The following GNG7 variants were observed in gnomAD, a reference collection of about 807,000 sequenced individuals.
GNG7 encodes the protein G protein subunit gamma 7.
A neutral mutation model predicts 4.0 loss-of-function variants in GNG7; 1 was observed. The ratio of observed to expected loss-of-function variants is 0.25; its 90% CI spans 0.09 to 1.18. The LOEUF is 1.18. GNG7 is among the 50% of genes most tolerant of loss of function. The probability of loss-of-function intolerance (pLI) is 0.50; values close to 1 mark genes in which losing one functional copy is unlikely to be tolerated. For missense variants in GNG7, 86 were observed against 91.9 expected (o/e 0.94, Z 0.26); for synonymous variants, 34 against 36.9 (o/e 0.92, Z 0.29).
intron 2 of GNG7, among the ~76,000 whole-genome samples, chr19:2,589,157 A>C (rs1980763766): frequency 6.7e-6 from 1 of 150,256 alleles, no homozygotes; most frequent in Non-Finnish European, 1.5e-5. Flanking sequence ...CGAACTCCCA[A>C]CCTCAGGTGA....
At chr19:2,543,867 C>A (rs1342207732) in intron 3 of GNG7, among the ~76,000 whole-genome samples, 2 of 152,162 alleles carry the variant, frequency 1.3e-5, no homozygotes, top group Non-Finnish European at 1.5e-5. Context: ...GGCGGCCGGC[C>A]TGCAGCAGCA....
chr19:2,650,845 AAGG>A (rs1568274306), intron 1 of GNG7, among the ~76,000 whole-genome samples: 1 of 152,216 alleles, frequency 6.6e-6, no homozygotes. Context: ...CAGTGGAGAC[AAGG>A]AGGAGAGACC....
intron 2 of GNG7, among the ~76,000 whole-genome samples, chr19:2,564,395 A>G (rs1270160690): frequency 6.6e-6 from 1 of 152,142 alleles, no homozygotes; most frequent in African/African-American, 2.4e-5. Context: ...AGCCTGGCCA[A>G]CGTGGTGAAA....
At chr19:2,678,555 A>G (rs1983651589) in intron 1 of GNG7, among the ~76,000 whole-genome samples, 1 of 152,116 alleles carries the variant, frequency 6.6e-6, no homozygotes, top group African/African-American at 2.4e-5. Context: ...GTCACCTATT[A>G]TGGGTGGAGG....
chr19:2,697,608 G>A (rs190559869), intron 1 of GNG7, among the ~76,000 whole-genome samples: 141 of 152,342 alleles, frequency 9.3e-4, no homozygotes, highest in African/African-American at 3.2e-3. Context: ...GTCAACGAGC[G>A]GGGAGAGGCG....
At chr19:2,654,634 TG>T (rs1052675145) in intron 1 of GNG7, among the ~76,000 whole-genome samples, 12 of 127,578 alleles carry the variant, frequency 9.4e-5, no homozygotes, top group Non-Finnish European at 3.6e-5. Flanking sequence ...ACACCCTGAG[TG>T]GGGGGAGGGA....
In GNG7 at chr19:2,640,091, A is replaced by AGGAAGGAGGGAG. The variant is rs1193927095; in HGVS notation, c.-78+6121_-78+6132dup. 2.5e-3 allele frequency among the ~76,000 whole-genome samples: 191 copies of AGGAAGGAGGGAG among 75,472 alleles called. 1 individual carries two copies. The highest frequency in any genetic ancestry group is 9.6e-3 in the African/African-American group (182 of 19,040). The allele number at this position is 75,472 out of a possible 152,430, so 49.5% of individuals were successfully genotyped here. A position where few individuals can be genotyped will look rare whatever the true frequency, so the allele number is the denominator to read the frequency against. Reference sequence around the variant, plus strand: ...GAGAGAGGGAAGGAGGGAGGGAGGAAGGAAGGAGGGAGGGAAGGAGGGAGG... The same window carrying AGGAAGGAGGGAG: ...GAGAGAGGGAAGGAGGGAGGGAGGAAGGAAGGAGGGAGGGAAGGAGGGAGGGAAGGAGGGAGG... On this transcript the variant is annotated intron_variant, in intron 2 of 4. Coordinates refer to ENST00000382159, the MANE Select transcript of GNG7 (RefSeq NM_052847.3).
At chr19:2,607,033 C>A (rs1981405770) in intron 2 of GNG7, among the ~76,000 whole-genome samples, 1 of 151,432 alleles carries the variant, frequency 6.6e-6, no homozygotes, top group African/African-American at 2.4e-5. Context: ...CCAGCCTGGG[C>A]AACACAGCGA....
chr19:2,523,903 G>A (rs920046363), intron 3 of GNG7, among the ~76,000 whole-genome samples: 65 of 152,262 alleles, frequency 4.3e-4, no homozygotes, highest in Non-Finnish European at 1.3e-4. Flanking sequence ...CTTTTTGGGG[G>A]CAGAGAAGGC....
At chr19:2,640,378 C>G (rs1982474247) in intron 2 of GNG7, among the ~76,000 whole-genome samples, 1 of 152,074 alleles carries the variant, frequency 6.6e-6, no homozygotes, top group East Asian at 1.9e-4. Flanking sequence ...AGTCACCACC[C>G]CCTATCACAC....
At chr19:2,551,846 G>A (rs1352113685) in intron 3 of GNG7, among the ~76,000 whole-genome samples, 1 of 151,938 alleles carries the variant, frequency 6.6e-6, no homozygotes. Flanking sequence ...ACCACGCCCG[G>A]CTAATTTTTT....
At chr19:2,657,132 G>A (rs181016530) in intron 1 of GNG7, among the ~76,000 whole-genome samples, 4 of 150,842 alleles carry the variant, frequency 2.7e-5, no homozygotes, top group South Asian at 4.2e-4. Context: ...CCAAGAGTTC[G>A]AGACCAGCCT....
Position 2,598,843 on chromosome 19 carries a change from G to A in GNG7, c.-77-43655C>T, listed in dbSNP as rs1195243175. On this transcript the variant is annotated intron_variant, in intron 2 of 4. Transcript: ENST00000382159. ...GGATGTCTCAAAAGAAGGTGATCAC[G>A]GAAAAAGAAAGCTTATGAAACACTG... Among the ~76,000 whole-genome samples the A allele has an allele frequency of 4.6e-5, 7 of 151,594 alleles. No individual in the cohort carries two copies. The South Asian group carries it at 6.2e-4, about 13-fold the overall frequency.
chr19:2,601,411 C>T (rs1055764417), intron 2 of GNG7, among the ~76,000 whole-genome samples: 21 of 152,140 alleles, frequency 1.4e-4, no homozygotes, highest in African/African-American at 3.9e-4. Flanking sequence ...TGCCACGGCG[C>T]GGCTCGTGCC....
chr19:2,515,773 G>C (rs536654872), intron 4 of GNG7, among the ~76,000 whole-genome samples: 3 of 152,204 alleles, frequency 2.0e-5, no homozygotes, highest in Admixed American at 2.0e-4. Flanking sequence ...TATCCACAGA[G>C]ACAGGAAGGG....
chr19:2,577,844 CTT>C (rs112517007), intron 2 of GNG7, among the ~76,000 whole-genome samples: 118 of 137,270 alleles, frequency 8.6e-4, no homozygotes, highest in African/African-American at 2.1e-3. Flanking sequence ...TGTTATTTTC[CTT>C]TTTTTTTTTT....
intron 2 of GNG7, among the ~76,000 whole-genome samples, chr19:2,600,143 T>A (rs899648728): frequency 1.3e-5 from 2 of 151,904 alleles, no homozygotes; most frequent in Non-Finnish European, 2.9e-5. Flanking sequence ...ACAGCTTGTG[T>A]TTATGTAGAT....
intron 2 of GNG7, chr19:2,643,819 C>T: frequency 2.8e-6 from 1 of 363,300 alleles, no homozygotes; most frequent in South Asian, 2.1e-5. Context: ...AGCATAATCT[C>T]AATGGGACGC....
chr19:2,696,675 T>C (rs1295703075), intron 1 of GNG7, among the ~76,000 whole-genome samples: 2 of 152,210 alleles, frequency 1.3e-5, no homozygotes, highest in Admixed American at 6.5e-5. Context: ...CGGATGCACC[T>C]TGAGCATGTC....
Sources: allele counts gnomAD v4.1 joint callset (sites outside exome capture counted in the v4.1 genomes callset), GRCh38; gene constraint gnomAD v4.1.1; transcripts MANE v1.5; gene names NCBI Gene and HGNC (gene_info 2026-07-23, HGNC 2026-07-21).